MID2: variants seen among roughly 807,000 people sequenced by gnomAD.
The protein encoded by MID2 is probable E3 ubiquitin-protein ligase MID2.
MID2 carries 13 observed loss-of-function variants against 46.1 expected under a neutral mutation model. The observed-to-expected ratio is 0.28, with a 90% CI of 0.18 to 0.45. MID2 has a LOEUF of 0.45. MID2 is among the 20% of genes least tolerant of loss of function. The probability of loss-of-function intolerance (pLI) is 1.00; values close to 1 mark genes in which losing one functional copy is unlikely to be tolerated. For missense variants in MID2, 431 were observed against 575.4 expected (o/e 0.75, Z 2.57); for synonymous variants, 199 against 212.3 (o/e 0.94, Z 0.55).
At chrX:107,917,399 A>T in intron 6 of MID2, 107 bp from the exon 7 acceptor site, 1 of 650,061 alleles carries the variant, frequency 1.5e-6, no homozygotes, top group Non-Finnish European at 2.4e-6. Flanking sequence ...TTCTCTATTA[A>T]GAAAATCTCT....
In MID2 at chrX:107,927,547, A is replaced by C. The variant is rs1933205773; in HGVS notation, c.*474A>C. The stretch of plus-strand genomic sequence containing the variant: ...TATATTTTACTTTTGATGAAAACCT[A>C]TCATCAAGGGTTTGTTAGGAAACCA... On this transcript the variant is annotated 3_prime_UTR_variant, in exon 10 of 10. Coordinates refer to ENST00000262843, the MANE Select transcript of MID2 (RefSeq NM_012216.4). 9.0e-6 allele frequency among the ~76,000 whole-genome samples: 1 copy of C among 111,619 alleles called. No individual in the cohort carries two copies. Among genetic ancestry groups the C allele is most frequent in the Non-Finnish European group, 1.9e-5 (1 of 53,066 alleles).
In MID2 at chrX:107,841,026, C is replaced by T. The variant is rs779067600; in HGVS notation, c.361C>T (p.Arg121Cys). The change falls in exon 2 of 10, where the codon CGC becomes TGC. Residue 121 changes from arginine to cysteine, a missense_variant. Coordinates refer to ENST00000262843, the MANE Select transcript of MID2 (RefSeq NM_012216.4). Reference protein sequence around the residue: ...VSGPNSPSESRRERTYRPTTA... With the variant: ...VSGPNSPSESCRERTYRPTTA... ...TGGGCCCAATTCCCCTAGTGAGAGC[C>T]GCCGGGAAAGGACTTACAGGCCCAC... The T allele has an allele frequency of 2.6e-5, 32 of 1,209,241 alleles. No individual in the cohort carries two copies. In the South Asian group the frequency reaches 4.2e-4, roughly 16 times the overall value.
intron 3 of MID2, among the ~76,000 whole-genome samples, chrX:107,870,325 C>A (rs1334030736): frequency 9.1e-6 from 1 of 109,906 alleles, no homozygotes; most frequent in Non-Finnish European, 1.9e-5. Flanking sequence ...TGGAATTATA[C>A]TAGATCTAGT....
intron 5 of MID2, among the ~76,000 whole-genome samples, chrX:107,914,640 C>G (rs1932940925): frequency 8.9e-6 from 1 of 112,209 alleles, no homozygotes. Flanking sequence ...GTGAATTTTT[C>G]TTTCCTCACC....
At chrX:107,875,370 G>A (rs1001415980) in intron 3 of MID2, among the ~76,000 whole-genome samples, 2 of 111,467 alleles carry the variant, frequency 1.8e-5, no homozygotes, top group Non-Finnish European at 3.8e-5. Context: ...TCCCAATATC[G>A]GAGTATTACA....
intron 3 of MID2, among the ~76,000 whole-genome samples, chrX:107,886,051 A>T (rs1490330704): frequency 9.0e-6 from 1 of 110,657 alleles, no homozygotes; most frequent in Admixed American, 9.6e-5. Context: ...GATTGGAAAA[A>T]TTTTCTCCCA....
chrX:107,899,935 A>G (rs1452674319), intron 3 of MID2, among the ~76,000 whole-genome samples: 2 of 112,047 alleles, frequency 1.8e-5, no homozygotes, highest in African/African-American at 3.2e-5. Context: ...CTTCAAACAA[A>G]GAAAATACCA....
chrX:107,828,487 T>C (rs1205914222), intron 1 of MID2, among the ~76,000 whole-genome samples: 2 of 110,303 alleles, frequency 1.8e-5, no homozygotes, highest in African/African-American at 3.3e-5. Flanking sequence ...AATTTTTGTA[T>C]TTTTTGTAGA....
At chrX:107,909,458 A>T (rs748232469) in intron 5 of MID2, among the ~76,000 whole-genome samples, 1 of 111,111 alleles carries the variant, frequency 9.0e-6, no homozygotes, top group Non-Finnish European at 1.9e-5. Flanking sequence ...CTAGAGGGAA[A>T]CTCTGAAGGT....
intron 3 of MID2, among the ~76,000 whole-genome samples, chrX:107,875,244 G>C (rs1932171317): frequency 8.9e-6 from 1 of 111,810 alleles, no homozygotes; most frequent in Non-Finnish European, 1.9e-5. Flanking sequence ...AGTTCCTTCA[G>C]GTACTTGAGA....
intron 5 of MID2, among the ~76,000 whole-genome samples, chrX:107,906,845 C>T (rs1348368462): frequency 8.9e-6 from 1 of 112,477 alleles, no homozygotes; most frequent in Non-Finnish European, 1.9e-5. Context: ...CTCAGCCTCC[C>T]AAACTGTTGG....
intron 5 of MID2, among the ~76,000 whole-genome samples, chrX:107,911,040 G>T (rs1932890366): frequency 9.4e-6 from 1 of 106,254 alleles, no homozygotes; most frequent in African/African-American, 3.4e-5. Flanking sequence ...TTTTAGTAGA[G>T]ATGTGGTTTC....
Position 107,843,222 on chromosome X carries a change from T to C in MID2, c.720+1837T>C, listed in dbSNP as rs1004063701. 5.3e-5 allele frequency among the ~76,000 whole-genome samples: 6 copies of C among 112,222 alleles called. No homozygotes were observed. In the Admixed American group the frequency reaches 5.7e-4, roughly 11 times the overall value. The stretch of plus-strand genomic sequence containing the variant: ...CAGGTGTTGGGACTATAATAAGTCA[T>C]TGGCCTTGAGAAATATTCCAAACAG... On this transcript the variant is annotated intron_variant, in intron 2 of 9. Transcript: ENST00000262843.
At chrX:107,846,069 G>C (rs1013225219) in intron 2 of MID2, among the ~76,000 whole-genome samples, 1 of 111,328 alleles carries the variant, frequency 9.0e-6, no homozygotes. Flanking sequence ...AGATGTGAGA[G>C]TGTGTAAATC....
Position 107,854,249 on chromosome X carries a change from G to T in MID2, c.721-360G>T, listed in dbSNP as rs1286511226. 8.0e-5 allele frequency among the ~76,000 whole-genome samples: 9 copies of T among 112,101 alleles called. No homozygotes were observed. In the Admixed American group the frequency reaches 8.5e-4, roughly 11 times the overall value. ...TTTCTTAGTCTACTCATCTGGAAAA[G>T]AGATAATAATATCTGTTCTTCATAT... On this transcript the variant is annotated intron_variant, in intron 2 of 9. Transcript: ENST00000262843.
Position 107,927,717 on chromosome X carries a change from AAAAACTTTTT to A in MID2, c.*647_*656del. ...CCAAACACCACCTCGAACTAGAACA[AAAAACTTTTT>A]AATTTGCTAATTTGAGTGAGAAATA... On this transcript the variant is annotated 3_prime_UTR_variant, in exon 10 of 10. Coordinates refer to ENST00000262843, the MANE Select transcript of MID2 (RefSeq NM_012216.4). Among the ~76,000 whole-genome samples the A allele has an allele frequency of 8.9e-6, 1 of 112,024 alleles. No individual in the cohort carries two copies. The highest frequency in any genetic ancestry group is 2.8e-4 in the East Asian group (1 of 3,607).
chrX:107,838,274 C>A (rs1224922924), intron 1 of MID2, among the ~76,000 whole-genome samples: 1 of 111,904 alleles, frequency 8.9e-6, no homozygotes, highest in African/African-American at 3.3e-5. Context: ...TCAAATGGAG[C>A]TCTCTAAGGC....
At chrX:107,828,194 G>T (rs1930997553) in intron 1 of MID2, among the ~76,000 whole-genome samples, 1 of 111,170 alleles carries the variant, frequency 9.0e-6, no homozygotes, top group Admixed American at 9.5e-5. Context: ...CTCCCTCCAT[G>T]ATTGTAAGCT....
chrX:107,850,882 T>C (rs1210624080), intron 2 of MID2, among the ~76,000 whole-genome samples: 3 of 112,042 alleles, frequency 2.7e-5, no homozygotes, highest in Non-Finnish European at 5.6e-5. Context: ...TTATGAGATA[T>C]CAGTTTTGTG....
Sources: allele counts gnomAD v4.1 joint callset (sites outside exome capture counted in the v4.1 genomes callset), GRCh38; gene constraint gnomAD v4.1.1; transcripts MANE v1.5; gene names NCBI Gene and HGNC (gene_info 2026-07-23, HGNC 2026-07-21).